LARGE1: variants seen among roughly 807,000 people sequenced by gnomAD.
LARGE1 encodes the protein xylosyl- and glucuronyltransferase LARGE1.
A neutral mutation model predicts 87.6 loss-of-function variants in LARGE1; 43 were observed. That is an observed-to-expected ratio of 0.49 (90% CI 0.38 to 0.63). The LOEUF (loss-of-function observed/expected upper bound fraction) is 0.63. Among genes scored for constraint, LARGE1 ranks in the 30% least tolerant of loss-of-function variants. The pLI is 0.00. For synonymous variants in LARGE1, 434 were observed against 394.6 expected, an observed-to-expected ratio of 1.10 and a Z score of -1.18; for missense variants, 802 against 1,000.2, an observed-to-expected ratio of 0.80 and a Z score of 2.67.
At chr22:33,200,439 T>G (rs1296764662) in intron 11 of LARGE1, among the ~76,000 whole-genome samples, 1 of 152,134 alleles carries the variant, frequency 6.6e-6, no homozygotes, top group Non-Finnish European at 1.5e-5. Context: ...TGGCAGTTCC[T>G]CAGAAAGTTC....
intron 2 of LARGE1, among the ~76,000 whole-genome samples, chr22:33,650,965 A>C (rs1315021836): frequency 6.6e-6 from 1 of 152,050 alleles, no homozygotes; most frequent in Admixed American, 6.6e-5. Flanking sequence ...GCATGTTTCT[A>C]AGTAGGCTTC....
intron 5 of LARGE1, among the ~76,000 whole-genome samples, chr22:33,603,125 A>C (rs554337588): frequency 6.6e-6 from 1 of 152,318 alleles, no homozygotes; most frequent in South Asian, 2.1e-4. Flanking sequence ...CAATCCCCAA[A>C]TGCTAAATTC....
the LARGE1 span, among the ~76,000 whole-genome samples, chr22:33,142,201 C>T: frequency 1.6e-4 from 24 of 152,308 alleles, no homozygotes; most frequent in Admixed American, 8.5e-4. Context: ...TGTTTGCAGC[C>T]TTCCTAGTTA....
At chr22:33,092,539 G>T in the LARGE1 span, among the ~76,000 whole-genome samples, 2 of 152,094 alleles carry the variant, frequency 1.3e-5, no homozygotes, top group African/African-American at 4.8e-5. Flanking sequence ...TGCCATGGTG[G>T]TTTGCTGCAC....
chr22:33,403,216 C>A (rs548460157), intron 7 of LARGE1, among the ~76,000 whole-genome samples: 1 of 152,312 alleles, frequency 6.6e-6, no homozygotes, highest in Non-Finnish European at 1.5e-5. Flanking sequence ...ACGGTATGTG[C>A]CATACAGTAG....
At chr22:33,360,148 A>AT (rs1569092682) in intron 9 of LARGE1, among the ~76,000 whole-genome samples, 1 of 149,418 alleles carries the variant, frequency 6.7e-6, no homozygotes, top group African/African-American at 2.5e-5. Context: ...CCTCGTCTCT[A>AT]TTAAAAATAC....
chr22:33,089,494 T>G, the LARGE1 span, among the ~76,000 whole-genome samples: 1 of 136,656 alleles, frequency 7.3e-6, no homozygotes, highest in Non-Finnish European at 1.5e-5. Flanking sequence ...CTTCCTCTTC[T>G]TCTCCTCCTC....
intron 1 of LARGE1, among the ~76,000 whole-genome samples, chr22:33,833,213 C>T (rs965098683): frequency 2.0e-5 from 3 of 152,152 alleles, no homozygotes; most frequent in Non-Finnish European, 2.9e-5. Flanking sequence ...ATCTGAATGG[C>T]GGATTACCAA....
chr22:33,450,474 G>A (rs1391991518), intron 6 of LARGE1, among the ~76,000 whole-genome samples: 1 of 151,564 alleles, frequency 6.6e-6, no homozygotes, highest in African/African-American at 2.4e-5. Flanking sequence ...TTAGCCAGGT[G>A]TGGTGGCGGG....
the LARGE1 span, among the ~76,000 whole-genome samples, chr22:33,073,933 A>T: frequency 1.3e-5 from 2 of 152,166 alleles, no homozygotes; most frequent in African/African-American, 4.8e-5. Context: ...CCATGGCAGC[A>T]TGAGGGCATC....
intron 11 of LARGE1, among the ~76,000 whole-genome samples, chr22:33,226,969 C>T (rs549638615): frequency 4.6e-5 from 7 of 152,160 alleles, no homozygotes; most frequent in Non-Finnish European, 5.9e-5. Flanking sequence ...GACCTTGTAA[C>T]CTTTAAATTA....
the LARGE1 span, among the ~76,000 whole-genome samples, chr22:33,103,194 G>A: frequency 2.0e-5 from 3 of 152,164 alleles, no homozygotes; most frequent in Admixed American, 2.0e-4. Context: ...AACACTTTGG[G>A]AGGCCGAGAC....
the LARGE1 span, among the ~76,000 whole-genome samples, chr22:33,120,915 T>G: frequency 3.3e-5 from 5 of 152,030 alleles, no homozygotes; most frequent in Admixed American, 6.6e-5. Flanking sequence ...AGGTCAGACC[T>G]GCTAGAATAG....
At chr22:33,173,981 C>G (rs182987450) in intron 11 of LARGE1, among the ~76,000 whole-genome samples, 1 of 152,260 alleles carries the variant, frequency 6.6e-6, no homozygotes, top group Non-Finnish European at 1.5e-5. Flanking sequence ...CAGCTCTGGA[C>G]CAACTGGACC....
chr22:33,544,011 TC>T (rs1284427066), intron 6 of LARGE1, among the ~76,000 whole-genome samples: 6 of 152,234 alleles, frequency 3.9e-5, no homozygotes, highest in Non-Finnish European at 8.8e-5. Flanking sequence ...CTAGAGAATG[TC>T]CACATAACCA....
chr22:33,778,428 A>AC (rs2085315796), intron 1 of LARGE1, among the ~76,000 whole-genome samples: 1 of 152,122 alleles, frequency 6.6e-6, no homozygotes, highest in Non-Finnish European at 1.5e-5. Context: ...TCCTTTATCT[A>AC]ATTCTAAAAC....
chr22:33,133,033 C>T, the LARGE1 span, among the ~76,000 whole-genome samples: 1 of 152,032 alleles, frequency 6.6e-6, no homozygotes, highest in Admixed American at 6.6e-5. Flanking sequence ...TCCTTTATTT[C>T]TTCCTGGAGA....
chr22:33,646,487 G>A (rs1157133676), intron 3 of LARGE1, among the ~76,000 whole-genome samples: 1 of 146,210 alleles, frequency 6.8e-6, no homozygotes, highest in Non-Finnish European at 1.5e-5. Context: ...AATATATGTG[G>A]GGCATAAAAC....
At chr22:33,740,868 T>C (rs1184988096) in intron 2 of LARGE1, among the ~76,000 whole-genome samples, 1 of 152,186 alleles carries the variant, frequency 6.6e-6, no homozygotes, top group East Asian at 1.9e-4. Flanking sequence ...CTGTGTGAAT[T>C]TTCAACTCAA....
Sources: allele counts gnomAD v4.1 joint callset (sites outside exome capture counted in the v4.1 genomes callset), GRCh38; gene constraint gnomAD v4.1.1; transcripts MANE v1.5; gene names NCBI Gene and HGNC (gene_info 2026-07-23, HGNC 2026-07-21).